Variants in PAPSS2 observed in about 807,000 individuals in gnomAD.
The protein encoded by PAPSS2 is bifunctional 3'-phosphoadenosine 5'-phosphosulfate synthase 2.
Under a neutral mutation model 66.5 loss-of-function variants are expected in PAPSS2, and 61 were observed. The observed-to-expected ratio is 0.92, with a 90% CI of 0.75 to 1.14. PAPSS2 has a LOEUF of 1.14. Among genes scored for constraint, PAPSS2 ranks in the 50% most tolerant of loss-of-function variants. The pLI, the probability that PAPSS2 is intolerant of heterozygous loss-of-function variation, is 0.00. For synonymous variants in PAPSS2, 289 were observed against 287.5 expected (o/e 1.01, Z -0.05); for missense variants, 708 against 789.6 (o/e 0.90, Z 1.24).
intron 1 of PAPSS2, among the ~76,000 whole-genome samples, chr10:87,671,981 C>T (rs568122285): frequency 3.9e-5 from 6 of 152,288 alleles, no homozygotes; most frequent in African/African-American, 7.2e-5. Context: ...TGTATTATAG[C>T]GGAGTTCCTC....
chr10:87,706,108 A>ATATATATG lies in PAPSS2; in HGVS notation c.28-3087_28-3086insATATATGT. Among the ~76,000 whole-genome samples, 10 of 52,020 alleles carry ATATATATG rather than the reference A, an allele frequency of 1.9e-4. No homozygotes were observed. The South Asian group carries it at 2.1e-3, about 11-fold the overall frequency. 34.1% of individuals were successfully genotyped at this position (52,020 alleles called of 152,430 possible). ...GGTATATATATATATATATATATAT[A>ATATATATG]TGTGTGTGTGTGTGTGTGTGTGTGT... On this transcript the variant is annotated intron_variant, in intron 1 of 12. Transcript: ENST00000456849.
chr10:87,670,576 G>GCACACA lies in PAPSS2; in HGVS notation c.27+10588_27+10593dup, dbSNP rs3221014. Among the ~76,000 whole-genome samples, 382 of 149,722 alleles carry GCACACA rather than the reference G, an allele frequency of 2.6e-3. 3 individuals carry two copies. The highest frequency in any genetic ancestry group is 6.1e-3 in the African/African-American group (250 of 40,874). ...GGAGATGATTGCATAAAAAGATGGA[G>GCACACA]CACACACACACACACACACACACAC... is the stretch of plus-strand genomic sequence containing the variant. On this transcript the variant is annotated intron_variant, in intron 1 of 12. Coordinates refer to ENST00000456849, the MANE Select transcript of PAPSS2 (RefSeq NM_001015880.2).
intron 1 of PAPSS2, among the ~76,000 whole-genome samples, chr10:87,671,002 A>G (rs1250604100): frequency 6.6e-6 from 1 of 152,172 alleles, no homozygotes; most frequent in East Asian, 1.9e-4. Flanking sequence ...ACAAGCATTT[A>G]TCCAGGGACT....
chr10:87,715,034 C>T lies in PAPSS2; in HGVS notation c.689C>T (p.Pro230Leu), dbSNP rs543748195. The T allele has an allele frequency of 6.2e-6, 10 of 1,613,428 alleles. No homozygotes were observed. The highest frequency in any genetic ancestry group is 2.7e-5 in the African/African-American group (2 of 75,020). ...AAAGATATCCACGAACTCTTTGTGC[C>T]GGAAAACAAACTTGACCACGTCCGA... ...IIKDIHELFV[P>L]ENKLDHVRAE... is the part of the protein sequence containing the mutation. The change falls in exon 6 of 13, where the codon CCG (proline) becomes CTG (leucine). Residue 230 changes from proline (P) to leucine (L), a missense_variant. Pro to Leu is a moderately conservative substitution (Grantham distance 98). Transcript: ENST00000456849.
chr10:87,714,690 A>T, intron 4 of PAPSS2, 55 bp from the exon 5 acceptor site: 2 of 1,043,324 alleles, frequency 1.9e-6, no homozygotes, highest in South Asian at 1.3e-5. Context: ...CTTATTGATT[A>T]AAAAGATTAT....
At chr10:87,712,318 G>A (rs1051606994) in intron 2 of PAPSS2, among the ~76,000 whole-genome samples, 6 of 152,160 alleles carry the variant, frequency 3.9e-5, no homozygotes, top group Admixed American at 6.6e-5. Context: ...CGAGGGAGGT[G>A]GACTTACCAG....
At chr10:87,662,370 A>C (rs1005158377) in intron 1 of PAPSS2, among the ~76,000 whole-genome samples, 4 of 152,160 alleles carry the variant, frequency 2.6e-5, no homozygotes, top group African/African-American at 9.7e-5. Flanking sequence ...GGTTTAAATG[A>C]GAGAGTGTAG....
At position 87,734,667 on chromosome 10, in the gene PAPSS2, A is replaced by G. The variant is rs1265670549; in HGVS notation, c.1087-6568A>G. Among the ~76,000 whole-genome samples the G allele has an allele frequency of 2.2e-3, 145 of 66,292 alleles. 1 individual carries two copies. The highest frequency in any genetic ancestry group is 3.8e-3 in the African/African-American group (56 of 14,834). The allele number at this position is 66,292 out of a possible 152,430, so 43.5% of individuals were successfully genotyped here. A position where few individuals can be genotyped will look rare whatever the true frequency, so the allele number is the denominator to read the frequency against. The stretch of plus-strand genomic sequence containing the variant: ...AGCACAGAAATGAATGTGTGTGTAT[A>G]TATATATATATATATATATATATAT... On this transcript the variant is annotated intron_variant, in intron 9 of 12. Coordinates refer to ENST00000456849, the MANE Select transcript of PAPSS2 (RefSeq NM_001015880.2).
Position 87,741,296 on chromosome 10 carries a change from G to A in PAPSS2, c.1148G>A (p.Arg383Lys). Reference sequence around the variant, plus strand: ...GACCTTCAGGTGCTGGAGAAAATAAGATGGAATGATGGGCTGGACCAATAC... The same window carrying A: ...GACCTTCAGGTGCTGGAGAAAATAAAATGGAATGATGGGCTGGACCAATAC... Reference protein sequence around the residue: ...GGDLQVLEKIRWNDGLDQYRL... With the variant: ...GGDLQVLEKIKWNDGLDQYRL... The change falls in exon 10 of 13, where the codon AGA becomes AAA. Residue 383 changes from arginine (R) to lysine (K), a missense_variant. By Grantham distance (26) the Arg-to-Lys change is conservative. Transcript: ENST00000456849. 1 of 1,613,842 alleles carries A rather than the reference G, an allele frequency of 6.2e-7. No homozygotes were observed. Among genetic ancestry groups the A allele is most frequent in the Non-Finnish European group, 8.5e-7 (1 of 1,179,696 alleles).
At chr10:87,718,226 C>T (rs1853555227) in intron 7 of PAPSS2, among the ~76,000 whole-genome samples, 1 of 151,958 alleles carries the variant, frequency 6.6e-6, no homozygotes, top group South Asian at 2.1e-4. Flanking sequence ...GACAGGGTTT[C>T]ACTATGTTGG....
chr10:87,702,362 G>C (rs1853329200), intron 1 of PAPSS2, among the ~76,000 whole-genome samples: 1 of 152,178 alleles, frequency 6.6e-6, no homozygotes, highest in Non-Finnish European at 1.5e-5. Context: ...GTAGTTTTCA[G>C]ATCTGTAAAT....
intron 1 of PAPSS2, among the ~76,000 whole-genome samples, chr10:87,695,905 G>T (rs1853228912): frequency 6.6e-6 from 1 of 152,152 alleles, no homozygotes; most frequent in African/African-American, 2.4e-5. Flanking sequence ...AAAAATATCA[G>T]TCTCACAGGT....
chr10:87,724,828 G>T (rs1853638931), intron 8 of PAPSS2, among the ~76,000 whole-genome samples: 2 of 65,662 alleles, frequency 3.0e-5, no homozygotes, highest in African/African-American at 7.3e-5. Flanking sequence ...ATTATATATA[G>T]GTATACAATA....
intron 1 of PAPSS2, chr10:87,660,386 G>A (rs1852735281): frequency 2.8e-6 from 1 of 356,642 alleles, no homozygotes; most frequent in East Asian, 5.7e-5. Flanking sequence ...AGCAGATCGA[G>A]CTGACTCCCG....
chr10:87,734,663 G>GTATATATATATATATATATATA (rs66686947), intron 9 of PAPSS2, among the ~76,000 whole-genome samples: 1 of 81,098 alleles, frequency 1.2e-5, no homozygotes, highest in Non-Finnish European at 2.2e-5. Flanking sequence ...GAATGTGTGT[G>GTATATATATATATATATATATA]TATATATATA....
At chr10:87,737,480 A>G (rs1853814778) in intron 9 of PAPSS2, among the ~76,000 whole-genome samples, 1 of 152,144 alleles carries the variant, frequency 6.6e-6, no homozygotes, top group East Asian at 1.9e-4. Context: ...TGTGAACCAA[A>G]TCTCCAGAAC....
chr10:87,677,848 G>A (rs1852968310), intron 1 of PAPSS2, among the ~76,000 whole-genome samples: 1 of 152,178 alleles, frequency 6.6e-6, no homozygotes, highest in African/African-American at 2.4e-5. Context: ...GTCAGTACCT[G>A]CCAGAGAATG....
chr10:87,713,677 C>T lies in PAPSS2; in HGVS notation c.381+367C>T, dbSNP rs77431051. ...AGTTAAAGAAAAGAGCAGTTCATGG[C>T]CAAAGCTTCGGGTTCTATGTGTTTA... On this transcript the variant is annotated intron_variant, in intron 3 of 12. Transcript: ENST00000456849. Among the ~76,000 whole-genome samples, 1,076 of 152,244 alleles carry T rather than the reference C, an allele frequency of 7.1e-3. 18 individuals carry two copies. The highest frequency in any genetic ancestry group is 0.024 in the African/African-American group (1,011 of 41,518).
In PAPSS2 at chr10:87,715,714, A is replaced by G; in HGVS notation, c.754-18A>G. 1 of 1,518,096 alleles carries G rather than the reference A, an allele frequency of 6.6e-7. No individual in the cohort carries two copies. Among genetic ancestry groups the G allele is most frequent in the Non-Finnish European group, 9.2e-7 (1 of 1,092,436 alleles). The allele number at this position is 1,518,096 out of a possible 1,614,324, so 94.0% of individuals were successfully genotyped here. A position where few individuals can be genotyped will look rare whatever the true frequency, so the allele number is the denominator to read the frequency against. ...ACAGAACTTATGAAAATGTTCAACT[A>G]CTTTTTGTGTTTTGCAGCTGGATCT... On this transcript the variant is annotated intron_variant, in intron 6 of 12. Transcript: ENST00000456849.
Sources: gnomAD v4.1 joint callset for allele counts (sites outside exome capture counted in the v4.1 genomes callset) on GRCh38, gnomAD v4.1.1 for gene constraint, MANE v1.5 for transcripts, NCBI Gene and HGNC (gene_info 2026-07-23, HGNC 2026-07-21) for gene names.